The following CD200R1L variants were observed in gnomAD, a reference collection of about 807,000 sequenced individuals.
CD200R1L encodes the protein CD200 receptor 1 like.
CD200R1L carries 14 observed loss-of-function variants against 24.8 expected under a neutral mutation model. The ratio of observed to expected loss-of-function variants is 0.56; its 90% CI spans 0.37 to 0.88. CD200R1L has a LOEUF of 0.88. Among genes scored for constraint, CD200R1L ranks in the 40% least tolerant of loss-of-function variants. The probability of loss-of-function intolerance (pLI) is 0.00; values close to 1 mark genes in which losing one functional copy is unlikely to be tolerated. For missense variants in CD200R1L, 299 were observed against 297.8 expected (o/e 1.00, Z -0.03); for synonymous variants, 111 against 109.2 (o/e 1.02, Z -0.11).
chr3:112,818,418 T>G (rs763039131), intron 7 of CD200R1L, among the ~76,000 whole-genome samples: 7 of 152,236 alleles, frequency 4.6e-5, no homozygotes, highest in African/African-American at 7.2e-5. Context: ...GACATTTCCT[T>G]AGTTGAGATC....
intron 3 of CD200R1L, among the ~76,000 whole-genome samples, chr3:112,834,172 A>G (rs1202462365): frequency 6.6e-6 from 1 of 151,462 alleles, no homozygotes. Context: ...TCCCCAGTTC[A>G]TAGAATAAAC....
chr3:112,832,401 A>T (rs1312832260), intron 3 of CD200R1L, among the ~76,000 whole-genome samples: 1 of 152,214 alleles, frequency 6.6e-6, no homozygotes, highest in Non-Finnish European at 1.5e-5. Context: ...CAGCTTGCAG[A>T]CCATCTTGTT....
At chr3:112,831,554 A>T (rs1938799190) in intron 3 of CD200R1L, among the ~76,000 whole-genome samples, 1 of 152,224 alleles carries the variant, frequency 6.6e-6, no homozygotes, top group South Asian at 2.1e-4. Flanking sequence ...TACAAGTATA[A>T]CTAGCTAAGG....
chr3:112,835,682 T>C (rs1385646775), intron 3 of CD200R1L, among the ~76,000 whole-genome samples: 1 of 152,236 alleles, frequency 6.6e-6, no homozygotes, highest in Admixed American at 6.5e-5. Context: ...GTGTCCATGC[T>C]GTTCATGCCG....
chr3:112,828,253 A>G (rs1938714184), intron 4 of CD200R1L, among the ~76,000 whole-genome samples: 1 of 152,224 alleles, frequency 6.6e-6, no homozygotes, highest in South Asian at 2.1e-4. Context: ...ATTAAAGGTA[A>G]CTAATACGGC....
At position 112,819,773 on chromosome 3, in the gene CD200R1L, T is replaced by C. The variant is rs1938487762; in HGVS notation, c.739A>G (p.Arg247Gly). Reference protein sequence around the residue: ...FVFFQRINHVRKVL With the variant: ...FVFFQRINHVGKVL ...TGCTTTTCAGTCTTCAGTTCCTACC[T>C]GACATGATTTATCCTCTGGAAGAAA... The change falls in exon 7 of 8, where the codon AGA (arginine) becomes GGA (glycine). Residue 247 changes from arginine to glycine, a missense_variant and splice_region_variant. Coordinates refer to ENST00000488794, the MANE Select transcript of CD200R1L (RefSeq NM_001199215.3). 2.5e-6 allele frequency: 4 copies of C among 1,598,314 alleles called. No homozygotes were observed. The highest frequency in any genetic ancestry group is 3.4e-6 in the Non-Finnish European group (4 of 1,175,776).
chr3:112,835,645 CCT>C (rs1300434157), intron 3 of CD200R1L, among the ~76,000 whole-genome samples: 2 of 152,378 alleles, frequency 1.3e-5, no homozygotes, highest in East Asian at 1.9e-4. Flanking sequence ...TGCCCTGGAG[CCT>C]CTCTACCTCC....
At chr3:112,832,984 T>G (rs978079269) in intron 3 of CD200R1L, among the ~76,000 whole-genome samples, 2 of 152,242 alleles carry the variant, frequency 1.3e-5, no homozygotes, top group African/African-American at 4.8e-5. Flanking sequence ...ATGAATACCT[T>G]AGTTAATCAC....
chr3:112,844,155 A>T (rs987915059), intron 2 of CD200R1L, among the ~76,000 whole-genome samples: 1 of 152,228 alleles, frequency 6.6e-6, no homozygotes, highest in Non-Finnish European at 1.5e-5. Context: ...GAAAACTAAG[A>T]AAGGAATTCT....
At chr3:112,833,606 A>G (rs1938864529) in intron 3 of CD200R1L, among the ~76,000 whole-genome samples, 1 of 152,174 alleles carries the variant, frequency 6.6e-6, no homozygotes, top group Non-Finnish European at 1.5e-5. Context: ...CCATTGTAAA[A>G]CAGAAATGGC....
At chr3:112,844,551 TAAGAG>T (rs1471638241) in intron 2 of CD200R1L, among the ~76,000 whole-genome samples, 3 of 152,152 alleles carry the variant, frequency 2.0e-5, no homozygotes, top group South Asian at 2.1e-4. Context: ...AAAACAGTAT[TAAGAG>T]AAAAGTTTAT....
At chr3:112,834,906 G>A (rs35301869) in intron 3 of CD200R1L, among the ~76,000 whole-genome samples, 205 of 152,344 alleles carry the variant, frequency 1.3e-3, no homozygotes, top group Admixed American at 2.6e-3. Flanking sequence ...GGGGAATGTG[G>A]TGGTGCCCAG....
intron 2 of CD200R1L, among the ~76,000 whole-genome samples, chr3:112,843,013 G>A (rs1420974233): frequency 6.6e-6 from 1 of 152,192 alleles, no homozygotes; most frequent in African/African-American, 2.4e-5. Flanking sequence ...AGAAGCATGT[G>A]ATCTTTGTTA....
intron 6 of CD200R1L, among the ~76,000 whole-genome samples, chr3:112,821,591 C>T (rs1173386478): frequency 6.6e-6 from 1 of 152,162 alleles, no homozygotes; most frequent in Non-Finnish European, 1.5e-5. Flanking sequence ...AATATTGAAG[C>T]CCTCAAAGTC....
Position 112,838,004 on chromosome 3 carries a change from T to A in CD200R1L, c.-80A>T. 4 of 1,229,892 alleles carry A rather than the reference T, an allele frequency of 3.3e-6. No individual in the cohort carries two copies. In the South Asian group the frequency reaches 4.1e-5, roughly 13 times the overall value. The allele number at this position is 1,229,892 out of a possible 1,614,324, so 76.2% of individuals were successfully genotyped here. A position where few individuals can be genotyped will look rare whatever the true frequency, so the allele number is the denominator to read the frequency against. On this transcript the variant is annotated 5_prime_UTR_variant, in exon 3 of 8. Coordinates refer to ENST00000488794, the MANE Select transcript of CD200R1L (RefSeq NM_001199215.3). ...TTGTGTCATCAGACAGGAATTATTA[T>A]CTGAGGCTAGAAAATATTTAAAGAA...
intron 3 of CD200R1L, among the ~76,000 whole-genome samples, chr3:112,835,991 G>A (rs754092780): frequency 2.8e-4 from 42 of 152,240 alleles, no homozygotes; most frequent in Admixed American, 5.2e-4. Context: ...GCAAAGAGCA[G>A]GTGGCATGGT....
At chr3:112,842,133 C>T (rs1317183935) in intron 2 of CD200R1L, among the ~76,000 whole-genome samples, 1 of 152,124 alleles carries the variant, frequency 6.6e-6, no homozygotes, top group Non-Finnish European at 1.5e-5. Context: ...GCTCCTGGGA[C>T]CAACATCAGA....
rs1938698276 is a variant in CD200R1L at position 112,827,649 on chromosome 3, C to T, written c.85G>A (p.Ala29Thr). The T allele has an allele frequency of 4.3e-6, 7 of 1,613,822 alleles. No homozygotes were observed. Among genetic ancestry groups the T allele is most frequent in the Non-Finnish European group, 5.9e-6 (7 of 1,179,836 alleles). Reference sequence around the variant, plus strand: ...GCGATAGGAGGGCAACAAAGCACAGCATTTATATCCATCAGTACAGGCTGT... The same window carrying T: ...GCGATAGGAGGGCAACAAAGCACAGTATTTATATCCATCAGTACAGGCTGT... ...ISQPVLMDIN[A>T]VLCCPPIALR... Residue 29 changes from alanine to threonine, a missense_variant, in exon 5 of 8, where the codon GCT (alanine) becomes ACT (threonine). Transcript: ENST00000488794.
Position 112,827,224 on chromosome 3 carries a change from G to C in CD200R1L, c.385C>G (p.Leu129Val), listed in dbSNP as rs1431852469. Residue 129 changes from leucine (L) to valine (V), a missense_variant, in exon 6 of 8, where the codon CTA (leucine) becomes GTA (valine). Transcript: ENST00000488794. ...LQVLVTPEVNLFQSRNITAVC... is the reference protein window; with the variant it reads ...LQVLVTPEVNVFQSRNITAVC... Reference sequence around the variant, plus strand: ...GCAGTTATATTCCTGCTTTGAAATAGGTTCACTTCGGGTGTAACTGCAGAG... The same window carrying C: ...GCAGTTATATTCCTGCTTTGAAATACGTTCACTTCGGGTGTAACTGCAGAG... 1.9e-6 allele frequency: 3 copies of C among 1,611,986 alleles called. No homozygotes were observed. Among genetic ancestry groups the C allele is most frequent in the South Asian group, 1.1e-5 (1 of 90,778 alleles).
Sources: gnomAD v4.1 joint callset for allele counts (sites outside exome capture counted in the v4.1 genomes callset) on GRCh38, gnomAD v4.1.1 for gene constraint, MANE v1.5 for transcripts, NCBI Gene and HGNC (gene_info 2026-07-23, HGNC 2026-07-21) for gene names.